SLC9A2: variants seen among roughly 807,000 people sequenced by gnomAD.
SLC9A2 encodes sodium/hydrogen exchanger 2.
Under a neutral mutation model 71.7 loss-of-function variants are expected in SLC9A2, and 42 were observed. The observed-to-expected ratio is 0.59, with a 90% CI of 0.46 to 0.76. SLC9A2 has a LOEUF of 0.76. Ranked by LOEUF, SLC9A2 falls within the 30% of genes least tolerant of loss-of-function variation. SLC9A2 has a pLI of 0.00. For synonymous variants in SLC9A2, 396 were observed against 392.5 expected, an observed-to-expected ratio of 1.01 and a Z score of -0.10; for missense variants, 829 against 1,017.4, an observed-to-expected ratio of 0.81 and a Z score of 2.52.
intron 4 of SLC9A2, 85 bp from the exon 5 acceptor site, chr2:102,684,049 C>A: frequency 1.0e-6 from 1 of 995,136 alleles, no homozygotes; most frequent in Non-Finnish European, 1.6e-6. Flanking sequence ...TTGTCCCCAT[C>A]GCAGAAGCAC....
intron 5 of SLC9A2, among the ~76,000 whole-genome samples, chr2:102,689,447 T>C (rs953631673): frequency 1.3e-5 from 2 of 152,304 alleles, no homozygotes; most frequent in South Asian, 2.1e-4. Context: ...AGCAATTACA[T>C]GAATCTTTGC....
At chr2:102,631,288 TC>T (rs1479147071) in intron 1 of SLC9A2, among the ~76,000 whole-genome samples, 1 of 151,600 alleles carries the variant, frequency 6.6e-6, no homozygotes, top group East Asian at 1.9e-4. Context: ...GCTAAAAGCA[TC>T]TTTTCTTTTT....
chr2:102,624,838 G>A (rs1676214039), intron 1 of SLC9A2, among the ~76,000 whole-genome samples: 1 of 152,152 alleles, frequency 6.6e-6, no homozygotes, highest in Admixed American at 6.5e-5. Flanking sequence ...GCTTCATGAA[G>A]ACGTCTCCCC....
At chr2:102,634,917 G>A (rs545420386) in intron 1 of SLC9A2, among the ~76,000 whole-genome samples, 7 of 152,156 alleles carry the variant, frequency 4.6e-5, no homozygotes, top group South Asian at 2.1e-4. Flanking sequence ...ACCCTCCTCC[G>A]GACACTTCCT....
intron 3 of SLC9A2, among the ~76,000 whole-genome samples, chr2:102,676,779 C>T (rs1367077085): frequency 6.6e-6 from 1 of 152,250 alleles, no homozygotes; most frequent in South Asian, 2.1e-4. Flanking sequence ...AGAGTCACCA[C>T]AAGACCTGGC....
chr2:102,657,971 G>A lies in SLC9A2; in HGVS notation c.697G>A (p.Glu233Lys). The change falls in exon 2 of 12, where the codon GAG becomes AAG. Residue 233 changes from glutamate (E) to lysine (K), a missense_variant. Physicochemically the swap from Glu to Lys is moderately conservative, Grantham distance 56. Coordinates refer to ENST00000233969, the MANE Select transcript of SLC9A2 (RefSeq NM_003048.6). Reference sequence around the variant, plus strand: ...TGTCTTTGAGAACATTCACGTCAATGAGCAGCTCTACATCCTGGTCTTTGG... The same window carrying A: ...TGTCTTTGAGAACATTCACGTCAATAAGCAGCTCTACATCCTGGTCTTTGG... Reference protein sequence around the residue: ...LAVFENIHVNEQLYILVFGES... With the variant: ...LAVFENIHVNKQLYILVFGES... 6.2e-7 allele frequency: 1 copy of A among 1,613,992 alleles called. No individual in the cohort carries two copies. Among genetic ancestry groups the A allele is most frequent in the Non-Finnish European group, 8.5e-7 (1 of 1,179,996 alleles).
rs372771066 is a variant in SLC9A2, at chr2:102,702,428, A to C, written c.1771A>C (p.Arg591=). The part of the protein sequence containing the change: ...SLNDCREEKI[R]KVTSSETDEI... The stretch of plus-strand genomic sequence containing the variant: ...CAGTGATTGTCGTGAAGAAAAAATA[A>C]GGAAGGTCACGTCCAGTGAAACTGA... Residue 591 remains arginine, a synonymous_variant, in exon 9 of 12, where the codon AGG becomes CGG. Coordinates refer to ENST00000233969, the MANE Select transcript of SLC9A2 (RefSeq NM_003048.6). 1.9e-6 allele frequency: 3 copies of C among 1,594,230 alleles called. No homozygotes were observed. The highest frequency in any genetic ancestry group is 2.6e-6 in the Non-Finnish European group (3 of 1,170,636).
At chr2:102,663,260 G>A (rs889585626) in intron 2 of SLC9A2, among the ~76,000 whole-genome samples, 12 of 152,132 alleles carry the variant, frequency 7.9e-5, no homozygotes, top group Non-Finnish European at 1.3e-4. Flanking sequence ...TTTCTTGGTG[G>A]TAGGATGGCA....
At chr2:102,646,971 G>C (rs1158486722) in intron 1 of SLC9A2, among the ~76,000 whole-genome samples, 2 of 151,716 alleles carry the variant, frequency 1.3e-5, no homozygotes, top group African/African-American at 2.4e-5. Context: ...AGACCTAATA[G>C]ATATGGAACT....
intron 2 of SLC9A2, among the ~76,000 whole-genome samples, chr2:102,660,291 C>T (rs1677025254): frequency 6.6e-6 from 1 of 152,286 alleles, no homozygotes; most frequent in East Asian, 1.9e-4. Flanking sequence ...CTGGCTGGTG[C>T]TTTGAGGTGG....
intron 3 of SLC9A2, among the ~76,000 whole-genome samples, chr2:102,673,435 ATGGTAGATTT>A (rs1350085097): frequency 6.6e-6 from 1 of 152,198 alleles, no homozygotes; most frequent in Non-Finnish European, 1.5e-5. Flanking sequence ...AGTGCAGATA[ATGGTAGATTT>A]TAGAGGTATA....
rs769517362 is a variant in SLC9A2, at chr2:102,657,796, G to T, written c.522G>T (p.Val174=). Residue 174 remains valine, a synonymous_variant, in exon 2 of 12, where the codon GTG becomes GTT. Coordinates refer to ENST00000233969, the MANE Select transcript of SLC9A2 (RefSeq NM_003048.6). Reference sequence around the variant, plus strand: ...TTGGCACGATTTTCTGGTATGCTGTGGTAGGGACACTTTGGAATTCCATTG... The same window carrying T: ...TTGGCACGATTTTCTGGTATGCTGTTGTAGGGACACTTTGGAATTCCATTG... ...ENIGTIFWYA[V]VGTLWNSIGI... 13 of 1,614,050 alleles carry T rather than the reference G, an allele frequency of 8.1e-6. No individual in the cohort carries two copies. The highest frequency in any genetic ancestry group is 8.5e-6 in the Non-Finnish European group (10 of 1,180,038).
At chr2:102,687,785 T>TA (rs1677576920) in intron 5 of SLC9A2, among the ~76,000 whole-genome samples, 2 of 148,642 alleles carry the variant, frequency 1.3e-5, no homozygotes, top group African/African-American at 4.9e-5. Flanking sequence ...TTTGGGGAAT[T>TA]TTTTTTTTTT....
At chr2:102,652,802 T>C (rs1201493314) in intron 1 of SLC9A2, among the ~76,000 whole-genome samples, 1 of 152,186 alleles carries the variant, frequency 6.6e-6, no homozygotes, top group Admixed American at 6.5e-5. Flanking sequence ...AACTGATATA[T>C]TTGTCAATGA....
In SLC9A2 at chr2:102,620,006, C is replaced by G. The variant is rs201535448; in HGVS notation, c.158C>G (p.Ala53Gly). Residue 53 changes from alanine (A) to glycine (G), a missense_variant, in exon 1 of 12, where the codon GCG (alanine) becomes GGG (glycine). Physicochemically the swap from Ala to Gly is moderately conservative, Grantham distance 60 (BLOSUM62 0). Transcript: ENST00000233969. ...ACCAGTTCCAGCCCGCCTAGCCCTG[C>G]GAGCGTGGTGGCTCCCGGAACGACG... ...MGTSSSPPSPASVVAPGTTLF... is the reference protein window; with the variant it reads ...MGTSSSPPSPGSVVAPGTTLF... 4 of 1,614,028 alleles carry G rather than the reference C, an allele frequency of 2.5e-6. No homozygotes were observed. Among genetic ancestry groups the G allele is most frequent in the Non-Finnish European group, 2.5e-6 (3 of 1,179,978 alleles).
chr2:102,702,705 C>T (rs907358961), intron 9 of SLC9A2, among the ~76,000 whole-genome samples: 7 of 152,108 alleles, frequency 4.6e-5, no homozygotes, highest in African/African-American at 1.7e-4. Context: ...CTTGGGGTCC[C>T]CTGGGAGTTC....
rs1263259273 is a variant in SLC9A2, at chr2:102,620,181, G to A, written c.289+44G>A. ...TGGGGAATGGGAGGGGGCGATCTCG[G>A]GGGGACACCTGGAGGGTGACCGGGT... On this transcript the variant is annotated intron_variant, in intron 1 of 11. Transcript: ENST00000233969. 1.9e-6 allele frequency: 3 copies of A among 1,545,274 alleles called. No homozygotes were observed. The Admixed American group carries it at 5.3e-5, about 27-fold the overall frequency.
rs1007010939 is a variant in SLC9A2, at chr2:102,694,403, T to G, written c.1426-11T>G. ...TATATATGAAATGCTTAAATTGTGT[T>G]TCCTGTTCAGGGAATAACTATTCGA... On this transcript the variant is annotated splice_polypyrimidine_tract_variant and intron_variant, in intron 5 of 11. Coordinates refer to ENST00000233969, the MANE Select transcript of SLC9A2 (RefSeq NM_003048.6). 2 of 1,307,194 alleles carry G rather than the reference T, an allele frequency of 1.5e-6. No homozygotes were observed. Among genetic ancestry groups the G allele is most frequent in the African/African-American group, 2.9e-5 (2 of 68,340 alleles). The allele number at this position is 1,307,194 out of a possible 1,614,324, so 81.0% of individuals were successfully genotyped here. A position where few individuals can be genotyped will look rare whatever the true frequency, so the allele number is the denominator to read the frequency against.
intron 5 of SLC9A2, among the ~76,000 whole-genome samples, chr2:102,684,896 C>G (rs893850157): frequency 1.2e-4 from 18 of 152,180 alleles, no homozygotes; most frequent in African/African-American, 4.3e-4. Context: ...CTGCTAAGTG[C>G]CAGGCAGTGC....
Sources: allele counts gnomAD v4.1 joint callset (sites outside exome capture counted in the v4.1 genomes callset), GRCh38; gene constraint gnomAD v4.1.1; transcripts MANE v1.5; gene names NCBI Gene and HGNC (gene_info 2026-07-23, HGNC 2026-07-21).